Variants in FHIT observed in about 807,000 individuals in gnomAD.
FHIT encodes fragile histidine triad diadenosine triphosphatase.
In FHIT, 19 loss-of-function variants were observed where a neutral mutation model predicts 17.9. The observed-to-expected ratio is 1.06, with a 90% CI of 0.74 to 1.56. The LOEUF is 1.56. Among genes scored for constraint, FHIT ranks in the 40% most tolerant of loss-of-function variants. The pLI, the probability that FHIT is intolerant of heterozygous loss-of-function variation, is 0.00. For synonymous variants in FHIT, 81 were observed against 69.7 expected (o/e 1.16, Z -0.81); for missense variants, 248 against 189.2 (o/e 1.31, Z -1.82).
intron 5 of FHIT, among the ~76,000 whole-genome samples, chr3:60,412,645 G>A (rs2107230881): frequency 6.6e-6 from 1 of 152,068 alleles, no homozygotes; most frequent in South Asian, 2.1e-4. Context: ...TTTGCAGATG[G>A]GCAAACTGTA....
intron 4 of FHIT, among the ~76,000 whole-genome samples, chr3:60,747,199 C>T (rs1553715610): frequency 1.3e-5 from 2 of 152,022 alleles, no homozygotes; most frequent in Non-Finnish European, 2.9e-5. Flanking sequence ...GCCCTTCCTC[C>T]TTCATCTAGC....
chr3:59,781,673 ATATT>A (rs1702590177), intron 8 of FHIT, among the ~76,000 whole-genome samples: 1 of 152,220 alleles, frequency 6.6e-6, no homozygotes, highest in East Asian at 1.9e-4. Context: ...CATTTTAGTG[ATATT>A]TTCATTGTGC....
At chr3:60,590,511 T>C (rs1553663841) in intron 4 of FHIT, among the ~76,000 whole-genome samples, 2 of 152,102 alleles carry the variant, frequency 1.3e-5, no homozygotes, top group African/African-American at 4.8e-5. Context: ...ATAATATATA[T>C]GCACTTTCAG....
chr3:60,830,047 C>G (rs184255226), intron 3 of FHIT, among the ~76,000 whole-genome samples: 1 of 152,216 alleles, frequency 6.6e-6, no homozygotes, highest in African/African-American at 2.4e-5. Flanking sequence ...GTTTACCATA[C>G]TTTTCCTGGG....
At chr3:59,751,814 G>C in intron 9 of FHIT, 1 of 239,454 alleles carries the variant, frequency 4.2e-6, no homozygotes, top group Non-Finnish European at 8.2e-6. Context: ...GAGAAAGCTG[G>C]TTTACAGGGC....
At chr3:60,567,657 G>C (rs1426465745) in intron 4 of FHIT, among the ~76,000 whole-genome samples, 1 of 152,158 alleles carries the variant, frequency 6.6e-6, no homozygotes, top group African/African-American at 2.4e-5. Flanking sequence ...ACTACCATCA[G>C]AGTGAACAGG....
At chr3:61,015,100 T>C (rs185133227) in intron 3 of FHIT, among the ~76,000 whole-genome samples, 1 of 151,590 alleles carries the variant, frequency 6.6e-6, no homozygotes, top group Admixed American at 6.6e-5. Flanking sequence ...GCTGTCAGAG[T>C]GAAACTTAAT....
At chr3:60,252,597 C>A (rs1705770383) in intron 5 of FHIT, among the ~76,000 whole-genome samples, 1 of 151,682 alleles carries the variant, frequency 6.6e-6, no homozygotes, top group Non-Finnish European at 1.5e-5. Context: ...AGGAAATAAA[C>A]GTGTGCTCAA....
intron 8 of FHIT, among the ~76,000 whole-genome samples, chr3:59,869,745 C>T (rs1417266041): frequency 6.6e-6 from 1 of 151,792 alleles, no homozygotes; most frequent in African/African-American, 2.4e-5. Context: ...CTCGGCCTCC[C>T]AAAGTGCTGG....
intron 2 of FHIT, among the ~76,000 whole-genome samples, chr3:61,179,862 C>A (rs1168212505): frequency 6.6e-6 from 1 of 152,002 alleles, no homozygotes; most frequent in Non-Finnish European, 1.5e-5. Context: ...CATGTTCTAC[C>A]TCTTATTCTA....
At chr3:60,111,684 G>C (rs1357996075) in intron 5 of FHIT, among the ~76,000 whole-genome samples, 2 of 152,170 alleles carry the variant, frequency 1.3e-5, no homozygotes, top group Admixed American at 1.3e-4. Flanking sequence ...GATTTACAAA[G>C]AAGCTGAAAT....
At chr3:60,860,186 T>C (rs1266434646) in intron 3 of FHIT, among the ~76,000 whole-genome samples, 1 of 97,136 alleles carries the variant, frequency 1.0e-5, no homozygotes, top group East Asian at 2.2e-4. Flanking sequence ...ATGGTATACA[T>C]GAGATACATC....
intron 5 of FHIT, among the ~76,000 whole-genome samples, chr3:60,126,720 C>G (rs1705567873): frequency 6.6e-6 from 1 of 152,192 alleles, no homozygotes; most frequent in Non-Finnish European, 1.5e-5. Context: ...CCACATTTAC[C>G]TCAACAATGT....
chr3:60,413,203 A>G (rs1179566605), intron 5 of FHIT, among the ~76,000 whole-genome samples: 2 of 152,184 alleles, frequency 1.3e-5, no homozygotes, highest in Non-Finnish European at 2.9e-5. Context: ...CCCTTGAGAA[A>G]AGATTTGAAG....
chr3:60,732,585 C>A, intron 4 of FHIT: 1 of 584,478 alleles, frequency 1.7e-6, no homozygotes, highest in South Asian at 1.5e-5. Context: ...GAGACGCGGC[C>A]CAAGGGCTCC....
chr3:60,047,457 T>A (rs1484843738), intron 5 of FHIT, among the ~76,000 whole-genome samples: 1 of 152,196 alleles, frequency 6.6e-6, no homozygotes, highest in African/African-American at 2.4e-5. Context: ...CAGCAGCTAA[T>A]TCAAAGCCAT....
In FHIT at chr3:59,986,736, AT is replaced by A. The variant is rs1442222646; in HGVS notation, c.279+24634del. Among the ~76,000 whole-genome samples, 7 of 17,682 alleles carry A rather than the reference AT, an allele frequency of 4.0e-4. 3 individuals are homozygous for A. The South Asian group carries it at 0.018, about 45-fold the overall frequency. 11.6% of individuals were successfully genotyped at this position (17,682 alleles called of 152,430 possible). ...TATATACATATATTTATATAAATAT[AT>A]ACATATATTTATATATATATAAATA... On this transcript the variant is annotated intron_variant, in intron 7 of 9. Coordinates refer to ENST00000492590, the MANE Select transcript of FHIT (RefSeq NM_002012.4).
In FHIT at chr3:60,228,312, G is replaced by C. The variant is rs559740493; in HGVS notation, c.104-214160C>G. Among the ~76,000 whole-genome samples the C allele has an allele frequency of 2.6e-5, 4 of 152,228 alleles. No individual in the cohort carries two copies. The East Asian group carries it at 7.7e-4, about 29-fold the overall frequency. On this transcript the variant is annotated intron_variant, in intron 5 of 9. Coordinates refer to ENST00000492590, the MANE Select transcript of FHIT (RefSeq NM_002012.4). ...TGGTTGCCAGGGACATTAAGCATAG[G>C]AGAATGAGGGTGACTTCTTAACCAG...
At chr3:60,629,002 G>T (rs933929853) in intron 4 of FHIT, among the ~76,000 whole-genome samples, 17 of 152,022 alleles carry the variant, frequency 1.1e-4, no homozygotes, top group African/African-American at 3.9e-4. Flanking sequence ...GAGGCAAGGG[G>T]GACTGGGGCC....
Sources: gnomAD v4.1 joint callset for allele counts (sites outside exome capture counted in the v4.1 genomes callset) on GRCh38, gnomAD v4.1.1 for gene constraint, MANE v1.5 for transcripts, NCBI Gene and HGNC (gene_info 2026-07-23, HGNC 2026-07-21) for gene names.